Variants in DNAH3 observed in about 807,000 individuals in gnomAD.
The protein encoded by DNAH3 is dynein axonemal heavy chain 3.
A neutral mutation model predicts 432.5 loss-of-function variants in DNAH3; 332 were observed. The observed-to-expected ratio is 0.77, with a 90% CI of 0.70 to 0.84. DNAH3 has a LOEUF of 0.84. Among genes scored for constraint, DNAH3 ranks in the 40% least tolerant of loss-of-function variants. The pLI is 0.00. For synonymous variants in DNAH3, 1,956 were observed against 1,900.2 expected, an observed-to-expected ratio of 1.03 and a Z score of -0.76; for missense variants, 4,861 against 5,114.0, an observed-to-expected ratio of 0.95 and a Z score of 1.51.
chr16:20,970,022 T>C (rs780036028), intron 51 of DNAH3, 32 bp from the exon 52 acceptor site: 3 of 1,605,958 alleles, frequency 1.9e-6, no homozygotes, highest in Non-Finnish European at 2.6e-6. Context: ...AGGAGATGAG[T>C]GCCCAGGGCC....
chr16:21,053,589 G>C (rs116886806), intron 28 of DNAH3, among the ~76,000 whole-genome samples: 1 of 152,130 alleles, frequency 6.6e-6, no homozygotes, highest in Non-Finnish European at 1.5e-5. Flanking sequence ...GTATGTGGCC[G>C]TGTGAAGAGC....
rs1356786105 is a variant in DNAH3 at position 21,062,702 on chromosome 16, AG to A, written c.3519-20del. 11 of 1,601,176 alleles carry A rather than the reference AG, an allele frequency of 6.9e-6. No homozygotes were observed. The highest frequency in any genetic ancestry group is 9.4e-6 in the Non-Finnish European group (11 of 1,171,868). ...GAAGAATCTATTTCAAAGCAAAGAA[AG>A]ATGGTAACTGGAACCTCTTCCAAGA... is the stretch of plus-strand genomic sequence containing the variant. On this transcript the variant is annotated intron_variant, in intron 24 of 61. Coordinates refer to ENST00000261383, the Ensembl canonical transcript of DNAH3.
intron 24 of DNAH3, 99 bp from the exon 25 acceptor site, chr16:21,062,782 A>G: frequency 2.3e-6 from 2 of 852,944 alleles, no homozygotes; most frequent in South Asian, 3.4e-5. Flanking sequence ...CTACGTGAAT[A>G]CCAGTTATGT....
chr16:21,112,182 G>A (rs1345683660), intron 12 of DNAH3, 84 bp from the exon 13 acceptor site: 5 of 897,092 alleles, frequency 5.6e-6, no homozygotes, highest in East Asian at 2.6e-5. Context: ...TGAAGACATA[G>A]TAGCATTTTA....
At chr16:20,942,021 G>A (rs1292431181) in intron 58 of DNAH3, among the ~76,000 whole-genome samples, 1 of 151,488 alleles carries the variant, frequency 6.6e-6, no homozygotes, top group Non-Finnish European at 1.5e-5. Context: ...GCTGAGATCT[G>A]GCCGCTGCAC....
At chr16:21,084,421 CAAGT>C (rs1001159496) in intron 19 of DNAH3, among the ~76,000 whole-genome samples, 2 of 152,108 alleles carry the variant, frequency 1.3e-5, no homozygotes, top group African/African-American at 4.8e-5. Context: ...CTCCCAGGCT[CAAGT>C]GATGCTCCCA....
chr16:21,062,786 G>T, intron 24 of DNAH3, 103 bp from the exon 25 acceptor site: 1 of 825,384 alleles, frequency 1.2e-6, no homozygotes, highest in Non-Finnish European at 1.9e-6. Flanking sequence ...GTGAATACCA[G>T]TTATGTCTTG....
At chr16:21,025,341 A>G (rs2088488810) in intron 38 of DNAH3, among the ~76,000 whole-genome samples, 1 of 148,386 alleles carries the variant, frequency 6.7e-6, no homozygotes, top group Non-Finnish European at 1.5e-5. Flanking sequence ...TTATTACTAT[A>G]TAATAATAAT....
At chr16:20,937,646 A>G (rs2083644375) in intron 59 of DNAH3, among the ~76,000 whole-genome samples, 1 of 149,656 alleles carries the variant, frequency 6.7e-6, no homozygotes, top group African/African-American at 2.5e-5. Context: ...CTCCCACCTC[A>G]GTCTCCTGAG....
rs552474343 is a variant in DNAH3, at chr16:21,050,119, C to G, written c.4239-101G>C. The stretch of plus-strand genomic sequence containing the variant: ...ACTCATACAAATATTTAGGTTAGTG[C>G]AAAAGTGATTGCAGTTTTTGCCATT... On this transcript the variant is annotated intron_variant, in intron 29 of 61. Coordinates refer to ENST00000261383, the Ensembl canonical transcript of DNAH3. The G allele has an allele frequency of 1.8e-5, 15 of 845,864 alleles. No homozygotes were observed. In the East Asian group the frequency reaches 3.6e-4, roughly 20 times the overall value. The allele number at this position is 845,864 out of a possible 1,614,324, so 52.4% of individuals were successfully genotyped here.
intron 1 of DNAH3, among the ~76,000 whole-genome samples, chr16:21,150,020 G>A (rs2092833356): frequency 6.6e-6 from 1 of 152,068 alleles, no homozygotes; most frequent in Non-Finnish European, 1.5e-5. Flanking sequence ...GAGATCGGGA[G>A]TTCAAGACCA....
At chr16:20,983,023 A>G (rs2085985904) in intron 48 of DNAH3, 137 bp from the exon 49 acceptor site, 2 of 815,470 alleles carry the variant, frequency 2.5e-6, no homozygotes, top group African/African-American at 1.7e-5. Flanking sequence ...GTGACTGTCA[A>G]TGGCCATAAT....
rs1352352549 is a variant in DNAH3, at chr16:21,051,567, G to GAAGGGTA, written c.4238+96_4238+102dup. The stretch of plus-strand genomic sequence containing the variant: ...TGGAGAATCTAATAATCTGAAGTGT[G>GAAGGGTA]AAGGGTAAAGGTAACCCAAGACATC... On this transcript the variant is annotated intron_variant, in intron 29 of 61. Transcript: ENST00000261383. 1.6e-4 allele frequency: 184 copies of GAAGGGTA among 1,160,574 alleles called. No individual in the cohort carries two copies. In the Middle Eastern group the frequency reaches 2.1e-3, roughly 13 times the overall value. 71.9% of individuals were successfully genotyped at this position (1,160,574 alleles called of 1,614,324 possible). A position where few individuals can be genotyped will look rare whatever the true frequency, so the allele number is the denominator to read the frequency against.
At chr16:21,131,495 AGAT>A (rs1467969129) in intron 7 of DNAH3, among the ~76,000 whole-genome samples, 630 of 2,396 alleles carry the variant, frequency 0.26, 8 homozygotes, top group South Asian at 0.37. Flanking sequence ...AAAGAAAGAG[AGAT>A]GAGAGAGAAG....
At chr16:21,064,141 G>A (rs1211813235) in intron 24 of DNAH3, among the ~76,000 whole-genome samples, 1 of 152,204 alleles carries the variant, frequency 6.6e-6, no homozygotes, top group Non-Finnish European at 1.5e-5. Flanking sequence ...GTGAACATGA[G>A]TCTGTGCACG....
At chr16:20,938,831 C>T (rs549346081) in intron 59 of DNAH3, among the ~76,000 whole-genome samples, 45 of 152,182 alleles carry the variant, frequency 3.0e-4, no homozygotes, top group African/African-American at 4.8e-4. Flanking sequence ...GGCTGAAGTG[C>T]AGTGGCACAA....
intron 12 of DNAH3, among the ~76,000 whole-genome samples, chr16:21,115,656 G>A (rs1351808031): frequency 1.3e-5 from 2 of 151,444 alleles, no homozygotes. Flanking sequence ...GCAGTGAGCT[G>A]AGATCATGCC....
In DNAH3 at chr16:21,134,383, G is replaced by A. The variant is rs1159673248; in HGVS notation, c.958C>T (p.Gln320Ter). ...GGCACAGGGGCCCGGATCACTCTTT[G>A]AGGAAACAAGCGGGGGATGCTCTCA... The change falls in exon 7 of 62, where the codon CAA becomes TAA. Residue 320 changes from glutamine (Q) to a stop codon, truncating the protein, a stop_gained. Coordinates refer to ENST00000261383, the Ensembl canonical transcript of DNAH3. LOFTEE classifies it high-confidence loss of function. The A allele has an allele frequency of 1.2e-6, 2 of 1,614,192 alleles. No homozygotes were observed. Among genetic ancestry groups the A allele is most frequent in the Middle Eastern group, 1.6e-4 (1 of 6,062 alleles).
chr16:21,086,666 G>A (rs1010762717), intron 19 of DNAH3, among the ~76,000 whole-genome samples, 183 bp downstream of exon 19: 6 of 152,188 alleles, frequency 3.9e-5, no homozygotes, highest in Non-Finnish European at 8.8e-5. Flanking sequence ...TGTCCAGGGG[G>A]CAGGGAGTTC....
Sources: gnomAD v4.1 joint callset for allele counts (sites outside exome capture counted in the v4.1 genomes callset) on GRCh38, gnomAD v4.1.1 for gene constraint, MANE v1.5 for transcripts, NCBI Gene and HGNC (gene_info 2026-07-23, HGNC 2026-07-21) for gene names.